DNAJC6: variants seen among roughly 807,000 people sequenced by gnomAD.
DNAJC6 encodes the protein DnaJ heat shock protein family (Hsp40) member C6.
DNAJC6 carries 34 observed loss-of-function variants against 110.0 expected under a neutral mutation model. That is an observed-to-expected ratio of 0.31 (90% CI 0.24 to 0.41). The LOEUF (loss-of-function observed/expected upper bound fraction) is 0.41. Among genes scored for constraint, DNAJC6 ranks in the 10% least tolerant of loss-of-function variants. DNAJC6 has a pLI of 1.00. For missense variants in DNAJC6, 1,031 were observed against 1,207.8 expected (o/e 0.85, Z 2.17); for synonymous variants, 406 against 437.2 (o/e 0.93, Z 0.89).
rs1011253171 is a variant in DNAJC6, at chr1:65,414,675, T to A, written c.*1650T>A. 2.6e-5 allele frequency: 4 copies of A among 152,672 alleles called. No individual in the cohort carries two copies. The highest frequency in any genetic ancestry group is 9.6e-5 in the African/African-American group (4 of 41,462). 9.5% of individuals were successfully genotyped at this position (152,672 alleles called of 1,614,324 possible). ...GAAACTCGAAGAAAATGTTCTCTTTTTAAATATACAGTCATAAACTGTTCA... is the reference window on the plus strand; with the variant it reads ...GAAACTCGAAGAAAATGTTCTCTTTATAAATATACAGTCATAAACTGTTCA... On this transcript the variant is annotated 3_prime_UTR_variant, in exon 19 of 19. Transcript: ENST00000371069.
At chr1:65,319,656 A>G (rs942088528) in intron 1 of DNAJC6, among the ~76,000 whole-genome samples, 2 of 152,164 alleles carry the variant, frequency 1.3e-5, no homozygotes, top group Non-Finnish European at 2.9e-5. Context: ...AAAAACAAAA[A>G]AACCAAAACA....
chr1:65,370,875 C>T (rs979682564), intron 4 of DNAJC6, among the ~76,000 whole-genome samples: 4 of 152,176 alleles, frequency 2.6e-5, no homozygotes, highest in Non-Finnish European at 4.4e-5. Context: ...GAGGTCGCTA[C>T]AGCTCCCAGT....
At chr1:65,353,877 A>C (rs1290423422) in intron 1 of DNAJC6, among the ~76,000 whole-genome samples, 2 of 152,204 alleles carry the variant, frequency 1.3e-5, no homozygotes, top group African/African-American at 2.4e-5. Context: ...TTGAGGAGAC[A>C]GTGAAACAGT....
chr1:65,327,432 T>C (rs561037667), intron 1 of DNAJC6, among the ~76,000 whole-genome samples: 1 of 152,352 alleles, frequency 6.6e-6, no homozygotes, highest in South Asian at 2.1e-4. Context: ...CTTTTTCTAC[T>C]TGATTCTACA....
At chr1:65,280,582 TTC>T (rs936439566) in intron 1 of DNAJC6, among the ~76,000 whole-genome samples, 2 of 152,162 alleles carry the variant, frequency 1.3e-5, no homozygotes, top group African/African-American at 4.8e-5. Flanking sequence ...CCATTCCTTC[TTC>T]TCTCTCTCTT....
chr1:65,291,351 A>G (rs1644873333), intron 1 of DNAJC6, among the ~76,000 whole-genome samples: 1 of 152,228 alleles, frequency 6.6e-6, no homozygotes, highest in Non-Finnish European at 1.5e-5. Flanking sequence ...GAATTTATAC[A>G]TTAGATATGT....
At chr1:65,283,511 T>G (rs1196990951) in intron 1 of DNAJC6, among the ~76,000 whole-genome samples, 1 of 152,170 alleles carries the variant, frequency 6.6e-6, no homozygotes, top group African/African-American at 2.4e-5. Flanking sequence ...CTGAGTAGTA[T>G]TCCCTAAAAT....
At chr1:65,272,053 C>G (rs1653523932) in intron 1 of DNAJC6, among the ~76,000 whole-genome samples, 1 of 151,850 alleles carries the variant, frequency 6.6e-6, no homozygotes, top group Admixed American at 6.6e-5. Flanking sequence ...TACTTTTTCC[C>G]CTTTGTCTCA....
intron 1 of DNAJC6, among the ~76,000 whole-genome samples, chr1:65,343,694 G>A (rs1645410256): frequency 6.6e-6 from 1 of 151,904 alleles, no homozygotes; most frequent in Non-Finnish European, 1.5e-5. Flanking sequence ...CCAGAGAAAA[G>A]CTGCAGGGTG....
chr1:65,327,917 G>A (rs191709284), intron 1 of DNAJC6, among the ~76,000 whole-genome samples: 52 of 152,210 alleles, frequency 3.4e-4, no homozygotes, highest in Non-Finnish European at 6.0e-4. Context: ...GTCTCACCAT[G>A]TTGCCCAGTC....
In DNAJC6 at chr1:65,386,831, G is replaced by C. The variant is rs1645877679; in HGVS notation, c.1015G>C (p.Gly339Arg). ...TTACAGAGAATATCGTGTCCAAGAT[G>C]GAAAAATCTTCATTCCCTTGAACAT... ...ERMKEYRVQD[G>R]KIFIPLNITV... is the part of the protein sequence containing the mutation. Residue 339 changes from glycine to arginine, a missense_variant, in exon 8 of 19, where the codon GGA (glycine) becomes CGA (arginine). Coordinates refer to ENST00000371069, the MANE Select transcript of DNAJC6 (RefSeq NM_001256864.2). 1 of 1,613,972 alleles carries C rather than the reference G, an allele frequency of 6.2e-7. No individual in the cohort carries two copies. The highest frequency in any genetic ancestry group is 1.3e-5 in the African/African-American group (1 of 74,920).
chr1:65,370,856 C>T (rs1645698552), intron 4 of DNAJC6, among the ~76,000 whole-genome samples: 1 of 152,166 alleles, frequency 6.6e-6, no homozygotes. Flanking sequence ...TCTTCCTGAG[C>T]ACACCAAAGA....
chr1:65,384,773 G>A (rs1000350450), intron 6 of DNAJC6, among the ~76,000 whole-genome samples: 3 of 151,886 alleles, frequency 2.0e-5, no homozygotes, highest in Non-Finnish European at 4.4e-5. Context: ...ATGAGATTTG[G>A]ATGGGGACAT....
chr1:65,334,431 T>C (rs924188343), intron 1 of DNAJC6, among the ~76,000 whole-genome samples: 1 of 152,204 alleles, frequency 6.6e-6, no homozygotes, highest in Non-Finnish European at 1.5e-5. Context: ...CACGGGCTGT[T>C]GGGAGAACTG....
chr1:65,298,434 G>A (rs770097065), intron 1 of DNAJC6, among the ~76,000 whole-genome samples: 32 of 152,154 alleles, frequency 2.1e-4, no homozygotes, highest in Admixed American at 2.1e-3. Flanking sequence ...AAACTGGTTA[G>A]GAAATAGCTT....
At chr1:65,292,426 C>G (rs1385301706) in intron 1 of DNAJC6, among the ~76,000 whole-genome samples, 1 of 151,556 alleles carries the variant, frequency 6.6e-6, no homozygotes, top group East Asian at 1.9e-4. Flanking sequence ...AATAAACCAC[C>G]CCAAACTTTT....
chr1:65,334,880 A>G (rs780446316), intron 1 of DNAJC6, among the ~76,000 whole-genome samples: 10 of 152,176 alleles, frequency 6.6e-5, no homozygotes, highest in Non-Finnish European at 1.3e-4. Context: ...AAGGCCTGTT[A>G]TATTATAGGT....
At chr1:65,353,394 G>C (rs957608264) in intron 1 of DNAJC6, among the ~76,000 whole-genome samples, 1 of 152,168 alleles carries the variant, frequency 6.6e-6, no homozygotes, top group African/African-American at 2.4e-5. Flanking sequence ...CACATCATAA[G>C]TACTTACTTT....
intron 1 of DNAJC6, among the ~76,000 whole-genome samples, chr1:65,322,262 A>G (rs924858569): frequency 1.3e-5 from 2 of 152,228 alleles, no homozygotes; most frequent in African/African-American, 4.8e-5. Context: ...ATACAGGTTA[A>G]TGAAAAGAAT....
Sources: allele counts gnomAD v4.1 joint callset (sites outside exome capture counted in the v4.1 genomes callset), GRCh38; gene constraint gnomAD v4.1.1; transcripts MANE v1.5; gene names NCBI Gene and HGNC (gene_info 2026-07-23, HGNC 2026-07-21).